CDH12: variants seen among roughly 807,000 people sequenced by gnomAD.
CDH12 encodes the protein cadherin 12.
Under a neutral mutation model 74.1 loss-of-function variants are expected in CDH12, and 41 were observed. The observed-to-expected ratio is 0.55, with a 90% CI of 0.43 to 0.72. The LOEUF is 0.72. CDH12 is among the 30% of genes least tolerant of loss of function. The pLI is 0.00. For synonymous variants in CDH12, 399 were observed against 355.0 expected (o/e 1.12, Z -1.39); for missense variants, 945 against 977.2 (o/e 0.97, Z 0.44).
At chr5:22,455,097 T>C (rs921982102) in intron 2 of CDH12, among the ~76,000 whole-genome samples, 22 of 152,158 alleles carry the variant, frequency 1.4e-4, no homozygotes, top group African/African-American at 5.3e-4. Context: ...TTGGGAAATA[T>C]AAATAAAATT....
intron 3 of CDH12, among the ~76,000 whole-genome samples, chr5:22,220,357 T>C (rs1340228146): frequency 6.6e-6 from 1 of 151,704 alleles, no homozygotes; most frequent in East Asian, 1.9e-4. Flanking sequence ...TAGACATAAA[T>C]ATGAAAGTCC....
intron 10 of CDH12, among the ~76,000 whole-genome samples, chr5:21,787,160 A>T (rs1025023442): frequency 2.1e-4 from 32 of 152,336 alleles, no homozygotes; most frequent in African/African-American, 7.5e-4. Flanking sequence ...ATTGACTCCA[A>T]TTTTGAAAGG....
rs564918983 is a variant in CDH12, at chr5:22,072,486, C to T, written c.231+5960G>A. 2.2e-4 allele frequency among the ~76,000 whole-genome samples: 34 copies of T among 151,592 alleles called. 1 individual carries two copies. Among genetic ancestry groups the T allele is most frequent in the Admixed American group, 5.9e-4 (9 of 15,160 alleles). ...TTCTTGAATTCTTCCATCTTTTGGA[C>T]GGAGTCATAGACATTTCCCAACAGT... On this transcript the variant is annotated intron_variant, in intron 5 of 14. Coordinates refer to ENST00000382254, the MANE Select transcript of CDH12 (RefSeq NM_004061.5).
chr5:22,311,821 T>C (rs1041190989), intron 3 of CDH12, among the ~76,000 whole-genome samples: 1 of 152,116 alleles, frequency 6.6e-6, no homozygotes, highest in Non-Finnish European at 1.5e-5. Context: ...TGATAAATTT[T>C]GCATACCTCA....
rs113100337 is a variant in CDH12 at position 22,098,745 on chromosome 5, T to A, written c.-186-19883A>T. Among the ~76,000 whole-genome samples the A allele has an allele frequency of 8.8e-4, 134 of 152,256 alleles. 2 individuals carry two copies. Among genetic ancestry groups the A allele is most frequent in the African/African-American group, 2.8e-3 (116 of 41,564 alleles). On this transcript the variant is annotated intron_variant, in intron 4 of 14. Transcript: ENST00000382254. ...CACCTGACCCCCATGACTGTATCCC[T>A]CTGATCCACCTGACATTCATCCAAT... is the stretch of plus-strand genomic sequence containing the variant.
At chr5:22,476,638 A>T (rs552499529) in intron 2 of CDH12, among the ~76,000 whole-genome samples, 1 of 152,236 alleles carries the variant, frequency 6.6e-6, no homozygotes, top group African/African-American at 2.4e-5. Context: ...CTCATCTTAC[A>T]TGTAACCAAT....
chr5:22,023,952 C>T (rs1397947606), intron 5 of CDH12, among the ~76,000 whole-genome samples: 1 of 152,118 alleles, frequency 6.6e-6, no homozygotes, highest in Admixed American at 6.6e-5. Context: ...TTTAAATTCA[C>T]AGCTCATTGG....
chr5:21,878,696 T>C (rs550352253), intron 6 of CDH12, among the ~76,000 whole-genome samples: 25 of 151,202 alleles, frequency 1.7e-4, no homozygotes, highest in Non-Finnish European at 3.2e-4. Context: ...GCTGAGATCC[T>C]GCCACTGCAC....
At chr5:22,584,803 T>C (rs1196352429) in intron 1 of CDH12, among the ~76,000 whole-genome samples, 2 of 152,192 alleles carry the variant, frequency 1.3e-5, no homozygotes, top group African/African-American at 2.4e-5. Context: ...AAAATACATA[T>C]ACTGAACTTA....
In CDH12 at chr5:22,753,539, C is replaced by A. The variant is rs540369763; in HGVS notation, c.-523+99519G>T. On this transcript the variant is annotated intron_variant, in intron 1 of 14. Coordinates refer to ENST00000382254, the MANE Select transcript of CDH12 (RefSeq NM_004061.5). ...ACAAAGCCACTGAAGCATTCTCAGC[C>A]GTGAGGATCTAGTATGCTTTGAAAG... Among the ~76,000 whole-genome samples, 59 of 145,632 alleles carry A rather than the reference C, an allele frequency of 4.1e-4. 3 individuals are homozygous for A. In the South Asian group the frequency reaches 0.013, roughly 33 times the overall value.
At chr5:21,779,673 C>G (rs531159443) in intron 11 of CDH12, among the ~76,000 whole-genome samples, 1 of 152,114 alleles carries the variant, frequency 6.6e-6, no homozygotes, top group African/African-American at 2.4e-5. Flanking sequence ...GGGTCAGAGC[C>G]AAAACATATG....
intron 4 of CDH12, among the ~76,000 whole-genome samples, chr5:22,205,257 A>T (rs1208619221): frequency 1.3e-5 from 2 of 152,212 alleles, no homozygotes; most frequent in Non-Finnish European, 2.9e-5. Context: ...TCTGTAACAG[A>T]CACTATCTTA....
chr5:21,844,999 GTAGA>G (rs60865016), intron 7 of CDH12, among the ~76,000 whole-genome samples: 8,276 of 149,680 alleles, frequency 0.055, 545 homozygotes, highest in African/African-American at 0.16. Flanking sequence ...ACTGAGGTAG[GTAGA>G]TAGATAGATA....
chr5:22,137,358 A>G (rs1746522897), intron 4 of CDH12, among the ~76,000 whole-genome samples: 1 of 152,088 alleles, frequency 6.6e-6, no homozygotes, highest in African/African-American at 2.4e-5. Context: ...GCATAATTCT[A>G]CATCTCCCTA....
intron 3 of CDH12, among the ~76,000 whole-genome samples, chr5:22,351,743 T>C (rs1486360731): frequency 6.6e-6 from 1 of 152,212 alleles, no homozygotes; most frequent in Non-Finnish European, 1.5e-5. Flanking sequence ...ATTTATCCTA[T>C]AGAATTTCAC....
chr5:22,399,186 C>G (rs1742598515), intron 3 of CDH12, among the ~76,000 whole-genome samples: 1 of 140,508 alleles, frequency 7.1e-6, no homozygotes, highest in Admixed American at 7.3e-5. Flanking sequence ...ATATAATCTA[C>G]CCAGTATCTA....
chr5:22,606,094 G>C (rs1737101082), intron 1 of CDH12, among the ~76,000 whole-genome samples: 1 of 152,272 alleles, frequency 6.6e-6, no homozygotes, highest in South Asian at 2.1e-4. Context: ...GTTGAGGAAG[G>C]AACCCCACCA....
intron 2 of CDH12, among the ~76,000 whole-genome samples, chr5:22,433,609 C>T (rs1744260942): frequency 6.6e-6 from 1 of 152,014 alleles, no homozygotes; most frequent in Non-Finnish European, 1.5e-5. Context: ...TGTGACAAGA[C>T]ATATAAAATT....
chr5:22,130,579 A>T (rs1218782504), intron 4 of CDH12, among the ~76,000 whole-genome samples: 1 of 151,972 alleles, frequency 6.6e-6, no homozygotes, highest in Non-Finnish European at 1.5e-5. Flanking sequence ...GAGAGGACAA[A>T]TTGAAATAGA....
Sources: allele counts gnomAD v4.1 joint callset (sites outside exome capture counted in the v4.1 genomes callset), GRCh38; gene constraint gnomAD v4.1.1; transcripts MANE v1.5; gene names NCBI Gene and HGNC (gene_info 2026-07-23, HGNC 2026-07-21).